ARHGAP17: variants seen among roughly 807,000 people sequenced by gnomAD.
ARHGAP17 encodes Rho GTPase activating protein 17.
A neutral mutation model predicts 99.5 loss-of-function variants in ARHGAP17; 57 were observed. The observed-to-expected ratio is 0.57, with a 90% CI of 0.46 to 0.71. The LOEUF is 0.71. Among genes scored for constraint, ARHGAP17 ranks in the 30% least tolerant of loss-of-function variants. The pLI, the probability that ARHGAP17 is intolerant of heterozygous loss-of-function variation, is 0.00. For missense variants in ARHGAP17, 1,000 were observed against 1,122.4 expected (o/e 0.89, Z 1.56); for synonymous variants, 417 against 429.6 (o/e 0.97, Z 0.36).
intron 1 of ARHGAP17, among the ~76,000 whole-genome samples, chr16:25,013,082 C>G (rs185295121): frequency 1.2e-3 from 183 of 152,280 alleles, no homozygotes; most frequent in Non-Finnish European, 2.1e-3. Flanking sequence ...GCAGTCACAG[C>G]ACAGAAAAGC....
At chr16:24,968,096 C>T (rs758145832) in intron 6 of ARHGAP17, among the ~76,000 whole-genome samples, 4 of 152,178 alleles carry the variant, frequency 2.6e-5, no homozygotes, top group Non-Finnish European at 4.4e-5. Flanking sequence ...TCCCCTCTTC[C>T]GTTAAATATA....
intron 14 of ARHGAP17, among the ~76,000 whole-genome samples, chr16:24,944,153 C>A (rs2051397714): frequency 6.6e-6 from 1 of 151,804 alleles, no homozygotes; most frequent in Non-Finnish European, 1.5e-5. Context: ...TTCGCATAGT[C>A]CCAGCTACTC....
intron 3 of ARHGAP17, among the ~76,000 whole-genome samples, chr16:24,976,139 A>G (rs2052508125): frequency 6.6e-6 from 1 of 152,220 alleles, no homozygotes; most frequent in Non-Finnish European, 1.5e-5. Context: ...AAACAGTCAA[A>G]AACGGGGAAT....
intron 1 of ARHGAP17, among the ~76,000 whole-genome samples, chr16:24,991,716 A>G (rs1285832938): frequency 6.6e-6 from 1 of 152,238 alleles, no homozygotes; most frequent in Non-Finnish European, 1.5e-5. Flanking sequence ...CTGCACCAGC[A>G]GATCTCAGCT....
At chr16:24,927,184 T>C (rs979314991) in intron 19 of ARHGAP17, among the ~76,000 whole-genome samples, 1 of 152,166 alleles carries the variant, frequency 6.6e-6, no homozygotes, top group African/African-American at 2.4e-5. Context: ...GGCAGGAGAA[T>C]TGCTTGAACC....
chr16:24,935,411 C>A, intron 18 of ARHGAP17, 59 bp downstream of exon 18: 1 of 1,505,270 alleles, frequency 6.6e-7, no homozygotes, highest in Admixed American at 2.1e-5. Context: ...AATCCTTGCA[C>A]TAACTTAAGG....
chr16:24,945,480 A>G (rs2051443643), intron 14 of ARHGAP17, among the ~76,000 whole-genome samples: 1 of 152,162 alleles, frequency 6.6e-6, no homozygotes, highest in Non-Finnish European at 1.5e-5. Flanking sequence ...ACCAGGCTTC[A>G]GGTTCTTCAC....
chr16:24,989,260 G>A (rs2052964304), intron 1 of ARHGAP17, among the ~76,000 whole-genome samples: 1 of 152,136 alleles, frequency 6.6e-6, no homozygotes, highest in Non-Finnish European at 1.5e-5. Context: ...TTCCAAACTA[G>A]GTCAGCACAT....
rs964266568 is a variant in ARHGAP17, at chr16:25,015,307, C to T, written c.-46G>A. The T allele has an allele frequency of 1.6e-6, 2 of 1,285,176 alleles. No homozygotes were observed. The highest frequency in any genetic ancestry group is 2.0e-6 in the Non-Finnish European group (2 of 1,011,584). 79.6% of individuals were successfully genotyped at this position (1,285,176 alleles called of 1,614,324 possible). A position where few individuals can be genotyped will look rare whatever the true frequency, so the allele number is the denominator to read the frequency against. On this transcript the variant is annotated 5_prime_UTR_variant, in exon 1 of 20. Transcript: ENST00000289968. The stretch of plus-strand genomic sequence containing the variant: ...CCCGCGGGGCTCGGGCCGGGCAGGG[C>T]GGGGGACAGCCTGGCAGCTACTACA...
At chr16:24,956,811 T>C (rs1373205427) in intron 9 of ARHGAP17, 3 of 152,258 alleles carry the variant, frequency 2.0e-5, no homozygotes, top group East Asian at 1.9e-4. Flanking sequence ...TAATGAGATA[T>C]GGCTGTTTGC....
At chr16:24,977,182 G>C (rs1401851798) in intron 3 of ARHGAP17, 33 bp downstream of exon 3, 1 of 1,510,260 alleles carries the variant, frequency 6.6e-7, no homozygotes, top group East Asian at 2.4e-5. Flanking sequence ...AGAGACGCAG[G>C]AACTGTGGGT....
chr16:24,985,847 T>TAC lies in ARHGAP17; in HGVS notation c.54-6844_54-6843dup, dbSNP rs953213770. ...GTACACACACATACATGCACACCCATACACACACACACAGATGCACACAGG... is the reference window on the plus strand; with the variant it reads ...GTACACACACATACATGCACACCCATACACACACACACACAGATGCACACAGG... On this transcript the variant is annotated intron_variant, in intron 1 of 19. Coordinates refer to ENST00000289968, the MANE Select transcript of ARHGAP17 (RefSeq NM_001006634.3). Among the ~76,000 whole-genome samples, 78 of 151,240 alleles carry TAC rather than the reference T, an allele frequency of 5.2e-4. 1 individual carries two copies. The East Asian group carries it at 0.013, about 25-fold the overall frequency.
At chr16:24,989,120 A>G (rs1432571294) in intron 1 of ARHGAP17, among the ~76,000 whole-genome samples, 4 of 152,138 alleles carry the variant, frequency 2.6e-5, no homozygotes, top group African/African-American at 9.7e-5. Context: ...AAAAAGTCTA[A>G]AGCAAAAGTG....
chr16:24,940,572 G>A (rs913743640), intron 16 of ARHGAP17, among the ~76,000 whole-genome samples: 4 of 152,064 alleles, frequency 2.6e-5, no homozygotes, highest in African/African-American at 7.2e-5. Context: ...GAGGTGGTGC[G>A]TGCCTATAGT....
chr16:24,974,241 G>A (rs1427033550), intron 3 of ARHGAP17, among the ~76,000 whole-genome samples: 1 of 152,220 alleles, frequency 6.6e-6, no homozygotes, highest in Non-Finnish European at 1.5e-5. Flanking sequence ...AACCAGCCTG[G>A]TCAACATGGT....
At chr16:24,923,780 G>C (rs904880017) in intron 19 of ARHGAP17, among the ~76,000 whole-genome samples, 1 of 149,396 alleles carries the variant, frequency 6.7e-6, no homozygotes, top group African/African-American at 2.5e-5. Context: ...CCAGTAACCA[G>C]CCTCAGCCCA....
chr16:24,931,118 G>A lies in ARHGAP17; in HGVS notation c.2181C>T (p.His727=), dbSNP rs1414106367. Residue 727 remains histidine, a synonymous_variant, in exon 19 of 20, where the codon CAC becomes CAT. Coordinates refer to ENST00000289968, the MANE Select transcript of ARHGAP17 (RefSeq NM_001006634.3). ...GAGGGCCCTGGCTATTGGGTTTGGT[G>A]TGCATCAGTGGCGTGGCCTGCGTAG... The part of the protein sequence containing the change: ...QPPTQATPLM[H]TKPNSQGPPN... The A allele has an allele frequency of 6.2e-7, 1 of 1,607,042 alleles. No individual in the cohort carries two copies. The highest frequency in any genetic ancestry group is 1.3e-5 in the African/African-American group (1 of 74,792).
intron 1 of ARHGAP17, among the ~76,000 whole-genome samples, chr16:25,009,123 T>C (rs1465607676): frequency 6.6e-6 from 1 of 152,128 alleles, no homozygotes; most frequent in Non-Finnish European, 1.5e-5. Flanking sequence ...CCCAGCACTT[T>C]GGGAGGCCAA....
intron 3 of ARHGAP17, among the ~76,000 whole-genome samples, chr16:24,973,727 G>A (rs970980139): frequency 6.6e-6 from 1 of 152,152 alleles, no homozygotes; most frequent in Non-Finnish European, 1.5e-5. Flanking sequence ...GTTTTATAAT[G>A]ATCCATTTGT....
Sources: gnomAD v4.1 joint callset for allele counts (sites outside exome capture counted in the v4.1 genomes callset) on GRCh38, gnomAD v4.1.1 for gene constraint, MANE v1.5 for transcripts, NCBI Gene and HGNC (gene_info 2026-07-23, HGNC 2026-07-21) for gene names.